Variants in LMNA observed in about 807,000 individuals in gnomAD.
LMNA encodes lamin.
In LMNA, 20 loss-of-function variants were observed where a neutral mutation model predicts 70.4. The observed-to-expected ratio is 0.28, with a 90% CI of 0.20 to 0.41. LMNA has a LOEUF of 0.41. LMNA is among the 10% of genes least tolerant of loss of function. The pLI, the probability that LMNA is intolerant of heterozygous loss-of-function variation, is 1.00. For missense variants in LMNA, 652 were observed against 917.2 expected (o/e 0.71, Z 3.73); for synonymous variants, 339 against 372.8 (o/e 0.91, Z 1.04).
chr1:156,127,006 CTCCTCTGG>C, intron 1 of LMNA: 1 of 1,294,034 alleles, frequency 7.7e-7, no homozygotes, highest in Non-Finnish European at 1.0e-6. Flanking sequence ...CCCTTCCCAG[CTCCTCTGG>C]CCTGCCCCAC....
rs181600446 is a variant in LMNA at position 156,128,193 on chromosome 1, A to G, written c.357-2424A>G. ...CATAATATTTAGAGCAGTGCTTGGTACCTAATAAGCTCTATATAAGTGTTT... is the reference window on the plus strand; with the variant it reads ...CATAATATTTAGAGCAGTGCTTGGTGCCTAATAAGCTCTATATAAGTGTTT... On this transcript the variant is annotated intron_variant, in intron 1 of 11. Transcript: ENST00000368300. 1.6e-3 allele frequency among the ~76,000 whole-genome samples: 243 copies of G among 152,278 alleles called. 3 individuals carry two copies. Among genetic ancestry groups the G allele is most frequent in the African/African-American group, 5.7e-3 (237 of 41,554 alleles).
Position 156,139,682 on chromosome 1 carries a change from G to GC in LMNA, c.*581dup. 6.9e-7 allele frequency: 1 copy of GC among 1,457,544 alleles called. No homozygotes were observed. The highest frequency in any genetic ancestry group is 9.1e-7 in the Non-Finnish European group (1 of 1,103,950). The allele number at this position is 1,457,544 out of a possible 1,614,324, so 90.3% of individuals were successfully genotyped here. ...TGGCTGAGGTTCCTCTGCCTGCCCC[G>GC]CCCCCAGTCCCCACCCCTGCCCCCA... On this transcript the variant is annotated 3_prime_UTR_variant, in exon 12 of 12. Coordinates refer to ENST00000368300, the MANE Select transcript of LMNA (RefSeq NM_170707.4).
rs897104315 is a variant in LMNA at position 156,137,778 on chromosome 1, C to T, written c.1698+35C>T. 1.3e-6 allele frequency: 2 copies of T among 1,548,568 alleles called. No homozygotes were observed. Among genetic ancestry groups the T allele is most frequent in the African/African-American group, 2.7e-5 (2 of 73,116 alleles). ...AGCCGCCGCTGAGGCCGAGCCTGCA[C>T]TGGGGCCACCCAGCCAGGCCTGGGG... On this transcript the variant is annotated intron_variant, in intron 10 of 11. Coordinates refer to ENST00000368300, the MANE Select transcript of LMNA (RefSeq NM_170707.4). The surrounding 1 kb of genome is among the most constrained non-coding windows in gnomAD (Gnocchi z 4.6).
intron 3 of LMNA, among the ~76,000 whole-genome samples, chr1:156,093,359 T>G (rs1648785070): frequency 6.8e-6 from 1 of 146,692 alleles, no homozygotes; most frequent in African/African-American, 2.6e-5. Flanking sequence ...CAGGCTAGAG[T>G]GCAGTGGCAC....
Position 156,139,894 on chromosome 1 carries a change from T to C in LMNA, c.*788T>C. ...CACTGGAGGTTGAAGCCAAGTGGGG[T>C]GCTGGGAGGAGGGAGAGGGAGGTCA... On this transcript the variant is annotated 3_prime_UTR_variant, in exon 12 of 12. Coordinates refer to ENST00000368300, the MANE Select transcript of LMNA (RefSeq NM_170707.4). 7.1e-7 allele frequency: 1 copy of C among 1,413,988 alleles called. No individual in the cohort carries two copies. Among genetic ancestry groups the C allele is most frequent in the Non-Finnish European group, 9.3e-7 (1 of 1,077,130 alleles). The allele number at this position is 1,413,988 out of a possible 1,614,324, so 87.6% of individuals were successfully genotyped here. A position where few individuals can be genotyped will look rare whatever the true frequency, so the allele number is the denominator to read the frequency against.
intron 1 of LMNA, among the ~76,000 whole-genome samples, chr1:156,121,755 G>A (rs1016870876): frequency 6.6e-6 from 1 of 151,946 alleles, no homozygotes; most frequent in Non-Finnish European, 1.5e-5. Context: ...CACAAGGGCA[G>A]GGTTCATTCC....
chr1:156,106,187 C>T (rs1649337967), intron 3 of LMNA, among the ~76,000 whole-genome samples: 1 of 152,084 alleles, frequency 6.6e-6, no homozygotes, highest in Non-Finnish European at 1.5e-5. Context: ...CCCCGGCAAA[C>T]CCAGGGCAAT....
At chr1:156,126,553 C>T in intron 1 of LMNA, 1 of 765,472 alleles carries the variant, frequency 1.3e-6, no homozygotes. Context: ...CCTTTCTTCC[C>T]CAAACAGCCC....
At chr1:156,121,802 C>T (rs1386519349) in intron 1 of LMNA, among the ~76,000 whole-genome samples, 1 of 152,102 alleles carries the variant, frequency 6.6e-6, no homozygotes, top group Admixed American at 6.6e-5. Flanking sequence ...TACTGATAGG[C>T]CGAACTCTAA....
At chr1:156,092,890 CTTTTTT>C (rs568056544) in intron 3 of LMNA, among the ~76,000 whole-genome samples, 1 of 135,654 alleles carries the variant, frequency 7.4e-6, no homozygotes. Flanking sequence ...TTCTTTTTTT[CTTTTTT>C]TTTTTTTTTT....
At chr1:156,116,332 C>T (rs1292917663) in intron 1 of LMNA, among the ~76,000 whole-genome samples, 4 of 151,336 alleles carry the variant, frequency 2.6e-5, no homozygotes, top group Non-Finnish European at 4.4e-5. Context: ...TTACCCACCC[C>T]TGCCCCACCC....
In LMNA at chr1:156,130,722, G is replaced by C; in HGVS notation, c.462G>C (p.Glu154Asp). The change falls in exon 2 of 12, where the codon GAG (glutamate) becomes GAC (aspartate). Residue 154 changes from glutamate (E) to aspartate (D), a missense_variant. This residue lies in a region of LMNA where 254 missense variants were observed against 421.9 expected (regional missense o/e 0.60). Coordinates refer to ENST00000368300, the MANE Select transcript of LMNA (RefSeq NM_170707.4). ...CCGCACTGAGCACTGCTCTCAGTGA[G>C]AAGCGCACGCTGGAGGGCGAGCTGC... The part of the protein sequence containing the change: ...KEAALSTALS[E>D]KRTLEGELHD... 1.2e-6 allele frequency: 2 copies of C among 1,611,612 alleles called. No homozygotes were observed. The highest frequency in any genetic ancestry group is 1.3e-5 in the African/African-American group (1 of 74,996).
At position 156,136,777 on chromosome 1, in the gene LMNA, G is replaced by T; in HGVS notation, c.1381-144G>T. 1.3e-6 allele frequency: 1 copy of T among 746,652 alleles called. No homozygotes were observed. The highest frequency in any genetic ancestry group is 2.4e-6 in the Non-Finnish European group (1 of 424,070). The allele number at this position is 746,652 out of a possible 1,614,324, so 46.3% of individuals were successfully genotyped here. On this transcript the variant is annotated intron_variant, in intron 7 of 11. Coordinates refer to ENST00000368300, the MANE Select transcript of LMNA (RefSeq NM_170707.4). The surrounding 1 kb of genome is among the most constrained non-coding windows in gnomAD (Gnocchi z 6.1). ...TCCACAGATCATGGCTATTATCCCCGGGGGAAGGGCAGTGACAGGGGTGTG... is the reference window on the plus strand; with the variant it reads ...TCCACAGATCATGGCTATTATCCCCTGGGGAAGGGCAGTGACAGGGGTGTG...
chr1:156,084,328 C>CGTGGGG (rs1491205878), intron 2 of LMNA, among the ~76,000 whole-genome samples: 1 of 90,976 alleles, frequency 1.1e-5, no homozygotes, highest in African/African-American at 3.8e-5. Context: ...CTCAGAAGGT[C>CGTGGGG]GGGGGGTGGT....
At chr1:156,113,805 C>CTG (rs1649628498), upstream of LMNA, among the ~76,000 whole-genome samples, 1 of 152,144 alleles carries the variant, frequency 6.6e-6, no homozygotes, top group African/African-American at 2.4e-5. Context: ...TTAAATTATC[C>CTG]ATTAAAATAA....
At chr1:156,112,908 C>T (rs1649592263), upstream of LMNA, among the ~76,000 whole-genome samples, 1 of 152,228 alleles carries the variant, frequency 6.6e-6, no homozygotes, top group South Asian at 2.1e-4. Flanking sequence ...ATTTGATTTC[C>T]CTGGTTGCTC....
Position 156,138,983 on chromosome 1 carries a change from A to T in LMNA, c.1969-97A>T, listed in dbSNP as rs1651898606. 3 of 1,406,582 alleles carry T rather than the reference A, an allele frequency of 2.1e-6. No individual in the cohort carries two copies. The Admixed American group carries it at 5.0e-5, about 24-fold the overall frequency. The allele number at this position is 1,406,582 out of a possible 1,614,324, so 87.1% of individuals were successfully genotyped here. A position where few individuals can be genotyped will look rare whatever the true frequency, so the allele number is the denominator to read the frequency against. ...CAGGGGCAGGGCTGGAGTGTGAGGG[A>T]TGGGGGAGATGCTACCTCCCTTCTA... is the stretch of plus-strand genomic sequence containing the variant. On this transcript the variant is annotated intron_variant, in intron 11 of 11. Transcript: ENST00000368300. This position sits in a 1 kb window ranked among gnomAD's most constrained non-coding sequence, Gnocchi z 5.5.
intron 1 of LMNA, chr1:156,126,710 C>G (rs1231359557): frequency 1.9e-6 from 3 of 1,551,688 alleles, no homozygotes; most frequent in Non-Finnish European, 1.7e-6. Flanking sequence ...CTCCCCACCC[C>G]CTCTCTTCCC....
chr1:156,130,543 ACCT>A (rs1356831958), intron 1 of LMNA, 71 bp from the exon 2 acceptor site: 12 of 1,504,922 alleles, frequency 8.0e-6, no homozygotes, highest in South Asian at 4.5e-5. Context: ...CCCATGGCTG[ACCT>A]CCTGGGAGCC....
Sources: gnomAD v4.1 joint callset for allele counts (sites outside exome capture counted in the v4.1 genomes callset) on GRCh38, gnomAD v4.1.1 for gene constraint, gnomAD v4.1.1 regional missense constraint, Gnocchi (gnomAD v3.1) non-coding constraint, MANE v1.5 for transcripts, NCBI Gene and HGNC (gene_info 2026-07-23, HGNC 2026-07-21) for gene names.